The following TMEFF1 variants were observed in gnomAD, a reference collection of about 807,000 sequenced individuals.
The protein encoded by TMEFF1 is transmembrane protein with EGF like and two follistatin like domains 1, also known as tomoregulin-1.
In TMEFF1, 20 loss-of-function variants were observed where a neutral mutation model predicts 47.5. That is an observed-to-expected ratio of 0.42 (90% CI 0.30 to 0.61). The LOEUF is 0.61. TMEFF1 is among the 20% of genes least tolerant of loss of function. The pLI, the probability that TMEFF1 is intolerant of heterozygous loss-of-function variation, is 0.19. For missense variants in TMEFF1, 411 were observed against 471.1 expected, an observed-to-expected ratio of 0.87 and a Z score of 1.18; for synonymous variants, 162 against 166.3, an observed-to-expected ratio of 0.97 and a Z score of 0.20.
At chr9:100,491,142 C>G (rs191940666) in intron 1 of TMEFF1, among the ~76,000 whole-genome samples, 9 of 152,164 alleles carry the variant, frequency 5.9e-5, no homozygotes, top group Admixed American at 1.3e-4. Flanking sequence ...TTGTACCACA[C>G]CATTTCCTGG....
intron 5 of TMEFF1, among the ~76,000 whole-genome samples, chr9:100,532,860 T>G (rs1838417037): frequency 6.6e-6 from 1 of 151,998 alleles, no homozygotes; most frequent in Non-Finnish European, 1.5e-5. Flanking sequence ...AATGATAGAC[T>G]GGATTAAGAA....
intron 1 of TMEFF1, among the ~76,000 whole-genome samples, chr9:100,489,104 A>G (rs1262653379): frequency 6.6e-6 from 1 of 152,180 alleles, no homozygotes; most frequent in East Asian, 1.9e-4. Context: ...GTAACCACAT[A>G]GAGACTTTCT....
Position 100,561,424 on chromosome 9 carries a change from A to G in TMEFF1, c.803A>G (p.Tyr268Cys). The change falls in exon 8 of 10, where the codon TAT becomes TGT. Residue 268 changes from tyrosine to cysteine, a missense_variant. By Grantham distance (194) the Tyr-to-Cys change is radical. Coordinates refer to ENST00000374879, the MANE Select transcript of TMEFF1 (RefSeq NM_003692.5). ...GCTAGTGATCAAAGAGAAGATGTTT[A>G]TATTGGAAACCACATGCCTTGCCCT... ...KDASDQREDV[Y>C]IGNHMPCPEN... is the part of the protein sequence containing the mutation. 6.2e-7 allele frequency: 1 copy of G among 1,613,578 alleles called. No homozygotes were observed. Among genetic ancestry groups the G allele is most frequent in the East Asian group, 2.2e-5 (1 of 44,832 alleles).
intron 5 of TMEFF1, among the ~76,000 whole-genome samples, chr9:100,522,821 G>A (rs538310392): frequency 3.0e-4 from 46 of 152,128 alleles, no homozygotes; most frequent in African/African-American, 1.0e-3. Flanking sequence ...TGCAAGCTCC[G>A]CCTCTGGGGT....
chr9:100,545,334 G>A (rs1208837294), intron 5 of TMEFF1, among the ~76,000 whole-genome samples: 1 of 152,168 alleles, frequency 6.6e-6, no homozygotes, highest in African/African-American at 2.4e-5. Flanking sequence ...TGACTTCTCT[G>A]TACCTGCAGG....
intron 4 of TMEFF1, among the ~76,000 whole-genome samples, chr9:100,516,075 T>G (rs910680529): frequency 6.6e-6 from 1 of 152,172 alleles, no homozygotes. Context: ...TGCATACTTT[T>G]GTATCTGCAT....
intron 2 of TMEFF1, among the ~76,000 whole-genome samples, chr9:100,501,731 G>A (rs1366391980): frequency 2.6e-5 from 4 of 151,966 alleles, no homozygotes; most frequent in East Asian, 1.9e-4. Context: ...TGCAACCTCC[G>A]CCTCCCGGGT....
At chr9:100,559,753 G>A (rs1018848379) in intron 7 of TMEFF1, among the ~76,000 whole-genome samples, 2 of 152,042 alleles carry the variant, frequency 1.3e-5, no homozygotes, top group Non-Finnish European at 2.9e-5. Flanking sequence ...ATTTGAACGA[G>A]GTCACAAAGC....
intron 5 of TMEFF1, among the ~76,000 whole-genome samples, chr9:100,521,036 C>T (rs1343183842): frequency 6.6e-6 from 1 of 152,010 alleles, no homozygotes; most frequent in African/African-American, 2.4e-5. Context: ...CTGTAGATGC[C>T]CTCAATTTTT....
chr9:100,493,915 G>A (rs1016606322), intron 1 of TMEFF1, among the ~76,000 whole-genome samples: 45 of 152,164 alleles, frequency 3.0e-4, no homozygotes, highest in African/African-American at 9.7e-4. Context: ...GGGTGTGGTG[G>A]CTCATGCCTC....
At chr9:100,511,101 C>T (rs767461236) in intron 3 of TMEFF1, among the ~76,000 whole-genome samples, 1 of 152,152 alleles carries the variant, frequency 6.6e-6, no homozygotes, top group Non-Finnish European at 1.5e-5. Flanking sequence ...AAAATAATCA[C>T]GTGCTTGGAG....
chr9:100,543,446 A>C (rs1171767589), intron 5 of TMEFF1, among the ~76,000 whole-genome samples: 1 of 150,332 alleles, frequency 6.7e-6, no homozygotes, highest in African/African-American at 2.4e-5. Context: ...ATGGTGTTCT[A>C]TTACTTAGTT....
intron 4 of TMEFF1, 50 bp downstream of exon 4, chr9:100,513,383 CTTTCTT>C (rs1456260738): frequency 6.3e-6 from 9 of 1,437,070 alleles, no homozygotes; most frequent in Admixed American, 4.9e-5. Context: ...TTCTTTCTTT[CTTTCTT>C]TTTCTTTTTT....
chr9:100,492,594 A>G (rs916118102), intron 1 of TMEFF1, among the ~76,000 whole-genome samples: 1 of 152,188 alleles, frequency 6.6e-6, no homozygotes, highest in Non-Finnish European at 1.5e-5. Context: ...TAAGTTGGAG[A>G]TAAGTTCTAA....
At chr9:100,490,265 G>A (rs1476003957) in intron 1 of TMEFF1, among the ~76,000 whole-genome samples, 1 of 152,010 alleles carries the variant, frequency 6.6e-6, no homozygotes, top group Non-Finnish European at 1.5e-5. Context: ...TAAAATATTA[G>A]GTAAAGTTTC....
chr9:100,572,716 G>A (rs747882711), intron 9 of TMEFF1, 40 bp downstream of exon 9: 46 of 1,564,566 alleles, frequency 2.9e-5, no homozygotes, highest in Non-Finnish European at 3.9e-5. Context: ...TAAATTAGAG[G>A]CAGGCAACTG....
At chr9:100,541,607 C>T (rs527339038) in intron 5 of TMEFF1, among the ~76,000 whole-genome samples, 10 of 152,016 alleles carry the variant, frequency 6.6e-5, no homozygotes, top group East Asian at 1.9e-4. Context: ...CTCCTCACCT[C>T]GTGATCTGCC....
intron 1 of TMEFF1, among the ~76,000 whole-genome samples, chr9:100,477,536 G>A (rs1477246316): frequency 1.3e-5 from 2 of 151,284 alleles, no homozygotes; most frequent in African/African-American, 2.4e-5. Context: ...TACTGTATTC[G>A]AAAACTTATT....
At chr9:100,522,430 CTTTTTTTTTT>C (rs869111876) in intron 5 of TMEFF1, among the ~76,000 whole-genome samples, 9 of 69,650 alleles carry the variant, frequency 1.3e-4, no homozygotes, top group African/African-American at 1.7e-4. Flanking sequence ...GAAATATCTT[CTTTTTTTTTT>C]TTTTTTTTTT....
Sources: gnomAD v4.1 joint callset for allele counts (sites outside exome capture counted in the v4.1 genomes callset) on GRCh38, gnomAD v4.1.1 for gene constraint, MANE v1.5 for transcripts, NCBI Gene and HGNC (gene_info 2026-07-23, HGNC 2026-07-21) for gene names.